The following SAMD3 variants were observed in gnomAD, a reference collection of about 807,000 sequenced individuals.
SAMD3 encodes the protein sterile alpha motif domain-containing protein 3.
Under a neutral mutation model 58.5 loss-of-function variants are expected in SAMD3, and 63 were observed. The observed-to-expected ratio is 1.08, with a 90% CI of 0.88 to 1.33. The LOEUF (loss-of-function observed/expected upper bound fraction) is 1.33, where lower values mean the gene tolerates loss of function less well. SAMD3 is among the 40% of genes most tolerant of loss of function. The pLI is 0.00. For missense variants in SAMD3, 604 were observed against 608.4 expected, an observed-to-expected ratio of 0.99 and a Z score of 0.08; for synonymous variants, 220 against 210.3, an observed-to-expected ratio of 1.05 and a Z score of -0.40.
Position 130,249,098 on chromosome 6 carries a change from C to T in SAMD3, c.-187-26285G>A, listed in dbSNP as rs189171044. Among the ~76,000 whole-genome samples, 307 of 152,158 alleles carry T rather than the reference C, an allele frequency of 2.0e-3. 2 individuals carry two copies. The highest frequency in any genetic ancestry group is 3.4e-4 in the Non-Finnish European group (23 of 68,006). Reference sequence around the variant, plus strand: ...CTTGGTAATACAGCTTAGGAAGGACCAGTGGCATGCCCCATAGATATGAAC... The same window carrying T: ...CTTGGTAATACAGCTTAGGAAGGACTAGTGGCATGCCCCATAGATATGAAC... On this transcript the variant is annotated intron_variant, in intron 2 of 13. Coordinates refer to the SAMD3 transcript ENST00000368134.
At chr6:130,200,195 C>A (rs183927271) in intron 5 of SAMD3, among the ~76,000 whole-genome samples, 2 of 152,180 alleles carry the variant, frequency 1.3e-5, no homozygotes, top group East Asian at 1.9e-4. Flanking sequence ...TTTATCTTAT[C>A]TACTACCATG....
intron 7 of SAMD3, among the ~76,000 whole-genome samples, chr6:130,177,587 T>C (rs999425091): frequency 6.6e-6 from 1 of 152,222 alleles, no homozygotes; most frequent in Non-Finnish European, 1.5e-5. Flanking sequence ...GGAAGTGTCC[T>C]CTGGCTTCTG....
intron 2 of SAMD3, among the ~76,000 whole-genome samples, chr6:130,249,229 TG>T (rs762634558): frequency 1.3e-5 from 2 of 152,202 alleles, no homozygotes; most frequent in Non-Finnish European, 2.9e-5. Flanking sequence ...AGCTCCTCTT[TG>T]TCTTCATGAG....
intron 2 of SAMD3, among the ~76,000 whole-genome samples, chr6:130,295,166 A>G (rs12194120): frequency 0.28 from 42,421 of 151,972 alleles, 6,375 homozygotes; most frequent in East Asian, 0.45. Context: ...CAGGTGAACC[A>G]TCCACCTCGG....
intron 7 of SAMD3, chr6:130,183,519 G>A (rs535145163): frequency 3.1e-4 from 124 of 403,786 alleles, no homozygotes; most frequent in African/African-American, 2.0e-3. Context: ...TGACAGCTCC[G>A]AAGCAGGTGC....
upstream of SAMD3, among the ~76,000 whole-genome samples, chr6:130,225,034 G>C (rs547491306): frequency 1.4e-4 from 21 of 152,186 alleles, no homozygotes; most frequent in Non-Finnish European, 2.8e-4. Context: ...GTGTGTGTTA[G>C]AGAGAGATAA....
At chr6:130,208,080 T>G (rs761052708) in intron 5 of SAMD3, among the ~76,000 whole-genome samples, 1 of 152,230 alleles carries the variant, frequency 6.6e-6, no homozygotes, top group Non-Finnish European at 1.5e-5. Flanking sequence ...TTGACTGCTC[T>G]AAATCTCGGT....
chr6:130,157,183 CATTA>C (rs752224030), intron 8 of SAMD3, among the ~76,000 whole-genome samples: 1 of 151,862 alleles, frequency 6.6e-6, no homozygotes, highest in Admixed American at 6.5e-5. Flanking sequence ...TCATATACTG[CATTA>C]ATTAACTAAT....
intron 1 of SAMD3, among the ~76,000 whole-genome samples, chr6:130,350,906 C>G (rs1252233881): frequency 6.6e-6 from 1 of 152,118 alleles, no homozygotes; most frequent in African/African-American, 2.4e-5. Flanking sequence ...GAACAGAGCC[C>G]TCAGAGATAA....
At chr6:130,302,469 ACT>A (rs1172440824) in intron 2 of SAMD3, among the ~76,000 whole-genome samples, 58 of 152,348 alleles carry the variant, frequency 3.8e-4, no homozygotes, top group African/African-American at 8.9e-4. Context: ...ACACTTACAC[ACT>A]GTTGGTGAGA....
intron 7 of SAMD3, among the ~76,000 whole-genome samples, chr6:130,179,087 G>A (rs752349147): frequency 3.9e-5 from 6 of 152,146 alleles, no homozygotes; most frequent in Non-Finnish European, 8.8e-5. Context: ...TGCTGAACCT[G>A]GTGGGAGGTA....
intron 1 of SAMD3, among the ~76,000 whole-genome samples, chr6:130,363,163 G>A (rs1778035404): frequency 6.6e-6 from 1 of 152,028 alleles, no homozygotes; most frequent in Non-Finnish European, 1.5e-5. Flanking sequence ...TAAAAATCTA[G>A]CAAACAATTC....
chr6:130,271,875 G>A (rs1355403911), intron 2 of SAMD3, among the ~76,000 whole-genome samples: 2 of 152,124 alleles, frequency 1.3e-5, no homozygotes, highest in African/African-American at 4.8e-5. Context: ...AAAACCATCA[G>A]ATCTCATGAG....
At chr6:130,157,072 A>AAAT (rs1789848067) in intron 8 of SAMD3, among the ~76,000 whole-genome samples, 1 of 143,418 alleles carries the variant, frequency 7.0e-6, no homozygotes, top group Non-Finnish European at 1.5e-5. Flanking sequence ...TCCGTCTCAA[A>AAAT]AAATAAATAA....
intron 1 of SAMD3, among the ~76,000 whole-genome samples, chr6:130,360,988 A>C (rs1777970962): frequency 6.6e-6 from 1 of 152,162 alleles, no homozygotes; most frequent in Non-Finnish European, 1.5e-5. Flanking sequence ...TCCCTGAACA[A>C]TTGCTGTTAT....
At chr6:130,329,857 T>C (rs575490712) in intron 1 of SAMD3, among the ~76,000 whole-genome samples, 1 of 141,688 alleles carries the variant, frequency 7.1e-6, no homozygotes. Flanking sequence ...TAAGAGGGAG[T>C]TGAACAATGA....
At chr6:130,348,649 G>C (rs1434251913) in intron 1 of SAMD3, among the ~76,000 whole-genome samples, 10 of 152,104 alleles carry the variant, frequency 6.6e-5, no homozygotes, top group Non-Finnish European at 1.5e-4. Flanking sequence ...ACACCCCACT[G>C]TCAACATTAG....
intron 2 of SAMD3, among the ~76,000 whole-genome samples, chr6:130,297,199 C>T (rs1266626448): frequency 6.6e-6 from 1 of 152,258 alleles, no homozygotes; most frequent in Non-Finnish European, 1.5e-5. Context: ...TTTGTTGGCT[C>T]ATACATCCAA....
chr6:130,152,785 T>A (rs1789345247), intron 9 of SAMD3, among the ~76,000 whole-genome samples: 1 of 152,152 alleles, frequency 6.6e-6, no homozygotes, highest in South Asian at 2.1e-4. Flanking sequence ...GGTGAAATAC[T>A]TGAGGAATGG....
Sources: gnomAD v4.1 joint callset for allele counts (sites outside exome capture counted in the v4.1 genomes callset) on GRCh38, gnomAD v4.1.1 for gene constraint, MANE v1.5 for transcripts, NCBI Gene and HGNC (gene_info 2026-07-23, HGNC 2026-07-21) for gene names.